TTC29: variants seen among roughly 807,000 people sequenced by gnomAD.
The protein encoded by TTC29 is tetratricopeptide repeat protein 29.
Under a neutral mutation model 58.1 loss-of-function variants are expected in TTC29, and 49 were observed. That is an observed-to-expected ratio of 0.84 (90% CI 0.67 to 1.07). The LOEUF is 1.07. TTC29 is among the 50% of genes least tolerant of loss of function. The pLI is 0.00. For synonymous variants in TTC29, 209 were observed against 196.8 expected (o/e 1.06, Z -0.52); for missense variants, 582 against 555.6 (o/e 1.05, Z -0.48).
chr4:146,811,926 T>TTTGTTAATGGA (rs1380558363), intron 10 of TTC29, among the ~76,000 whole-genome samples: 10 of 152,192 alleles, frequency 6.6e-5, no homozygotes, highest in African/African-American at 2.4e-4. Flanking sequence ...CTTTGTTAAT[T>TTTGTTAATGGA]GAAACAGAGT....
chr4:146,754,534 C>G (rs1323333502), intron 11 of TTC29, among the ~76,000 whole-genome samples: 1 of 152,140 alleles, frequency 6.6e-6, no homozygotes, highest in Non-Finnish European at 1.5e-5. Context: ...CAAATATCAG[C>G]AAACCAATTT....
intron 10 of TTC29, among the ~76,000 whole-genome samples, chr4:146,818,266 G>A (rs1217454173): frequency 6.6e-6 from 1 of 152,144 alleles, no homozygotes; most frequent in African/African-American, 2.4e-5. Context: ...ATCAAAAAGT[G>A]GGCAAAGGAT....
intron 6 of TTC29, among the ~76,000 whole-genome samples, chr4:146,899,979 C>G (rs935910829): frequency 6.6e-6 from 1 of 152,194 alleles, no homozygotes; most frequent in African/African-American, 2.4e-5. Flanking sequence ...CTGGACCAAT[C>G]AGATCAGATA....
chr4:146,714,613 C>A (rs557892799), intron 11 of TTC29, among the ~76,000 whole-genome samples: 1 of 151,168 alleles, frequency 6.6e-6, no homozygotes, highest in African/African-American at 2.4e-5. Context: ...AAAAAAAAAA[C>A]CTATAAAATG....
intron 11 of TTC29, among the ~76,000 whole-genome samples, chr4:146,780,826 T>C (rs1347732827): frequency 2.0e-5 from 3 of 152,060 alleles, no homozygotes; most frequent in Non-Finnish European, 4.4e-5. Context: ...GATGGCTGGA[T>C]TGGTATTACA....
intron 11 of TTC29, among the ~76,000 whole-genome samples, chr4:146,736,669 T>A (rs549223694): frequency 6.6e-6 from 1 of 152,116 alleles, no homozygotes; most frequent in Non-Finnish European, 1.5e-5. Context: ...TTTAACCTGT[T>A]ATGGGACATT....
At chr4:146,746,601 A>G (rs1745565490) in intron 11 of TTC29, among the ~76,000 whole-genome samples, 1 of 152,202 alleles carries the variant, frequency 6.6e-6, no homozygotes, top group African/African-American at 2.4e-5. Flanking sequence ...TTAGACAAAA[A>G]TAGTATTTTC....
At chr4:146,909,360 G>A in intron 4 of TTC29, 111 bp from the exon 5 acceptor site, 2 of 811,020 alleles carry the variant, frequency 2.5e-6, no homozygotes, top group Middle Eastern at 3.4e-4. Context: ...TTATCCCTCA[G>A]TGAAAGCACT....
At chr4:146,813,708 A>G (rs1470824567) in intron 10 of TTC29, among the ~76,000 whole-genome samples, 1 of 152,212 alleles carries the variant, frequency 6.6e-6, no homozygotes, top group Non-Finnish European at 1.5e-5. Context: ...GAGGCTGGGC[A>G]TGGTGGTTCA....
intron 11 of TTC29, among the ~76,000 whole-genome samples, chr4:146,752,188 C>A (rs1465106823): frequency 1.3e-5 from 2 of 151,670 alleles, no homozygotes; most frequent in Non-Finnish European, 2.9e-5. Context: ...AGCCCAAAAT[C>A]TCCCTAAGCT....
chr4:146,819,546 C>G (rs1751674389), intron 10 of TTC29, among the ~76,000 whole-genome samples: 1 of 152,104 alleles, frequency 6.6e-6, no homozygotes, highest in South Asian at 2.1e-4. Context: ...TCCATTGTGA[C>G]CAGTACATTC....
chr4:146,888,632 G>A (rs1732149811), intron 6 of TTC29, among the ~76,000 whole-genome samples: 1 of 152,142 alleles, frequency 6.6e-6, no homozygotes, highest in Admixed American at 6.6e-5. Flanking sequence ...ACAATTATCT[G>A]AAGGACTAGA....
At chr4:146,804,304 G>A (rs113285530) in intron 10 of TTC29, among the ~76,000 whole-genome samples, 16 of 152,130 alleles carry the variant, frequency 1.1e-4, no homozygotes, top group Non-Finnish European at 7.4e-5. Flanking sequence ...AAAACAGGGC[G>A]GCTGTTTGGG....
At chr4:146,828,214 T>G (rs905736858) in intron 9 of TTC29, among the ~76,000 whole-genome samples, 4 of 152,054 alleles carry the variant, frequency 2.6e-5, no homozygotes, top group Non-Finnish European at 5.9e-5. Context: ...AGGCATAGAG[T>G]AAAATATAAT....
chr4:146,841,915 TAA>T (rs1439376712), intron 8 of TTC29, among the ~76,000 whole-genome samples: 1 of 152,100 alleles, frequency 6.6e-6, no homozygotes, highest in Non-Finnish European at 1.5e-5. Flanking sequence ...ATTAGGTATG[TAA>T]AAGTACTGTC....
chr4:146,839,143 A>T (rs1023601483), intron 8 of TTC29, among the ~76,000 whole-genome samples: 14 of 152,034 alleles, frequency 9.2e-5, no homozygotes, highest in African/African-American at 3.1e-4. Flanking sequence ...CTTTTTTCAT[A>T]ATGATCGCAT....
chr4:146,742,339 G>A (rs1745213997), intron 11 of TTC29, among the ~76,000 whole-genome samples: 1 of 152,154 alleles, frequency 6.6e-6, no homozygotes, highest in African/African-American at 2.4e-5. Context: ...TTTTGGAGTA[G>A]CAAAAGAACT....
intron 11 of TTC29, among the ~76,000 whole-genome samples, chr4:146,778,273 T>C (rs1462800475): frequency 6.6e-6 from 1 of 152,164 alleles, no homozygotes; most frequent in Non-Finnish European, 1.5e-5. Flanking sequence ...AATTCCCCTT[T>C]AAGAGTTGCT....
At chr4:146,739,556 C>T (rs971125092) in intron 11 of TTC29, among the ~76,000 whole-genome samples, 1 of 152,288 alleles carries the variant, frequency 6.6e-6, no homozygotes, top group South Asian at 2.1e-4. Context: ...CATCCTAGCA[C>T]AGGGCTTTTC....
Sources: gnomAD v4.1 joint callset for allele counts (sites outside exome capture counted in the v4.1 genomes callset) on GRCh38, gnomAD v4.1.1 for gene constraint, MANE v1.5 for transcripts, NCBI Gene and HGNC (gene_info 2026-07-23, HGNC 2026-07-21) for gene names.